Variants in PTPRC observed in about 807,000 individuals in gnomAD.
The protein encoded by PTPRC is receptor-type tyrosine-protein phosphatase C.
Under a neutral mutation model 155.9 loss-of-function variants are expected in PTPRC, and 44 were observed. The ratio of observed to expected loss-of-function variants is 0.28; its 90% CI spans 0.22 to 0.36. PTPRC has a LOEUF of 0.36. PTPRC is among the 10% of genes least tolerant of loss of function. The pLI is 1.00. For synonymous variants in PTPRC, 525 were observed against 533.1 expected, an observed-to-expected ratio of 0.98 and a Z score of 0.21; for missense variants, 1,401 against 1,564.6, an observed-to-expected ratio of 0.90 and a Z score of 1.76.
rs1384149225 is a variant in PTPRC, at chr1:198,756,626, A to AAATC, written c.*447_*450dup. The AAATC allele has an allele frequency of 1.2e-5, 2 of 173,148 alleles. No homozygotes were observed. The highest frequency in any genetic ancestry group is 4.8e-5 in the African/African-American group (2 of 41,552). 10.7% of individuals were successfully genotyped at this position (173,148 alleles called of 1,614,324 possible). ...TCATAAACTGTGTGCAGACTCAATA[A>AAATC]AATCATGTACATTTCTGAAATGACC... On this transcript the variant is annotated 3_prime_UTR_variant, in exon 33 of 33. Transcript: ENST00000442510.
At chr1:198,746,366 T>G (rs996571772) in intron 26 of PTPRC, among the ~76,000 whole-genome samples, 3 of 151,448 alleles carry the variant, frequency 2.0e-5, no homozygotes, top group African/African-American at 4.8e-5. Flanking sequence ...CTTGAAGCTG[T>G]GAGGTAAATG....
intron 2 of PTPRC, among the ~76,000 whole-genome samples, chr1:198,665,115 A>C (rs182155546): frequency 1.4e-3 from 131 of 96,572 alleles, no homozygotes; most frequent in Non-Finnish European, 1.9e-3. Context: ...TTTGAGACGG[A>C]GTCTCGCTCT....
chr1:198,737,707 G>A (rs1439013318), intron 23 of PTPRC, among the ~76,000 whole-genome samples: 1 of 151,582 alleles, frequency 6.6e-6, no homozygotes, highest in African/African-American at 2.4e-5. Flanking sequence ...AACATTATTG[G>A]TATTTTGATA....
intron 26 of PTPRC, 21 bp from the exon 27 acceptor site, chr1:198,748,088 T>C: frequency 6.6e-7 from 1 of 1,516,874 alleles, no homozygotes; most frequent in Non-Finnish European, 8.9e-7. Flanking sequence ...GGAGTTTTTC[T>C]GTTTTTTTTT....
chr1:198,688,392 C>T (rs529086164), intron 2 of PTPRC, among the ~76,000 whole-genome samples: 1 of 152,046 alleles, frequency 6.6e-6, no homozygotes, highest in East Asian at 1.9e-4. Flanking sequence ...GAATATGGAG[C>T]GATGATGAGA....
chr1:198,755,862 C>T (rs1306814955), intron 32 of PTPRC, 44 bp from the exon 33 acceptor site: 1 of 1,545,900 alleles, frequency 6.5e-7, no homozygotes, highest in East Asian at 2.3e-5. Flanking sequence ...AAAATAATGA[C>T]ATCAACTTTC....
Position 198,708,235 on chromosome 1 carries a change from A to G in PTPRC, c.1007A>G (p.Gln336Arg). The stretch of plus-strand genomic sequence containing the variant: ...ATTGAAACCTTTACTTGTGATACAC[A>G]GAATATTACCTACAGATTTCAGTGT... ...KNIETFTCDT[Q>R]NITYRFQCGN... The change falls in exon 10 of 33, where the codon CAG becomes CGG. Residue 336 changes from glutamine (Q) to arginine (R), a missense_variant. Transcript: ENST00000442510. 6.2e-7 allele frequency: 1 copy of G among 1,608,058 alleles called. No individual in the cohort carries two copies. The highest frequency in any genetic ancestry group is 1.3e-5 in the African/African-American group (1 of 74,904).
At chr1:198,691,497 G>C (rs558015273) in intron 2 of PTPRC, among the ~76,000 whole-genome samples, 1 of 151,840 alleles carries the variant, frequency 6.6e-6, no homozygotes, top group African/African-American at 2.4e-5. Context: ...CTCTTCCTAC[G>C]TAGGACATCA....
chr1:198,702,271 G>T (rs1392495780), intron 5 of PTPRC, 116 bp from the exon 6 acceptor site: 6 of 1,314,942 alleles, frequency 4.6e-6, no homozygotes, highest in Admixed American at 1.7e-5. Flanking sequence ...TAGCAGAAGT[G>T]CTTGAAGATT....
In PTPRC at chr1:198,757,415, A is replaced by AG. The variant is rs1296039683; in HGVS notation, c.*1235dup. 2.7e-5 allele frequency: 4 copies of AG among 148,452 alleles called. No homozygotes were observed. The East Asian group carries it at 5.8e-4, about 22-fold the overall frequency. The allele number at this position is 148,452 out of a possible 1,614,324, so 9.2% of individuals were successfully genotyped here. A position where few individuals can be genotyped will look rare whatever the true frequency, so the allele number is the denominator to read the frequency against. On this transcript the variant is annotated 3_prime_UTR_variant, in exon 33 of 33. Transcript: ENST00000442510. ...ATAGTCTAATAATTGTTTAAGATCT[A>AG]GAAAAAAAAAATCAAGAATAGTGGT...
chr1:198,696,308 T>C (rs6669241), intron 3 of PTPRC, among the ~76,000 whole-genome samples: 13,432 of 151,862 alleles, frequency 0.088, 771 homozygotes, highest in African/African-American at 0.15. Flanking sequence ...TATCCTTTTC[T>C]TTATCTACAA....
At chr1:198,662,470 G>A (rs1457696963) in intron 2 of PTPRC, among the ~76,000 whole-genome samples, 1 of 130,420 alleles carries the variant, frequency 7.7e-6, no homozygotes, top group Non-Finnish European at 1.6e-5. Flanking sequence ...GTGTGTGTGT[G>A]TGTGTGTGAG....
chr1:198,737,100 A>G (rs1654678089), intron 23 of PTPRC, among the ~76,000 whole-genome samples: 1 of 151,806 alleles, frequency 6.6e-6, no homozygotes, highest in Admixed American at 6.6e-5. Context: ...ATGCTTTGTC[A>G]GATGGATAGT....
At chr1:198,705,257 G>A (rs1652882092) in intron 8 of PTPRC, among the ~76,000 whole-genome samples, 1 of 152,034 alleles carries the variant, frequency 6.6e-6, no homozygotes, top group South Asian at 2.1e-4. Context: ...TACATTTAGT[G>A]TAAAGAGTGG....
intron 29 of PTPRC, 122 bp from the exon 30 acceptor site, chr1:198,752,127 A>C (rs557274338): frequency 1.1e-5 from 13 of 1,174,360 alleles, no homozygotes; most frequent in Non-Finnish European, 1.6e-5. Flanking sequence ...ATTTTAGAAC[A>C]CAATAATTTT....
intron 2 of PTPRC, among the ~76,000 whole-genome samples, chr1:198,667,573 A>T (rs1392691206): frequency 1.3e-5 from 2 of 152,228 alleles, no homozygotes; most frequent in Non-Finnish European, 2.9e-5. Context: ...AGTAGGTGGC[A>T]CTCATCCATT....
chr1:198,755,168 G>T (rs1318545147), intron 32 of PTPRC, among the ~76,000 whole-genome samples: 1 of 152,080 alleles, frequency 6.6e-6, no homozygotes, highest in Non-Finnish European at 1.5e-5. Context: ...TCCACTTCTT[G>T]AGAGGGCCTG....
At position 198,706,768 on chromosome 1, in the gene PTPRC, A is replaced by G; in HGVS notation, c.720A>G (p.Leu240=). The G allele has an allele frequency of 1.9e-6, 3 of 1,611,890 alleles. No individual in the cohort carries two copies. Among genetic ancestry groups the G allele is most frequent in the Non-Finnish European group, 8.5e-7 (1 of 1,178,644 alleles). The change falls in exon 9 of 33, where the codon TTA becomes TTG. Residue 240 remains leucine, a synonymous_variant. Transcript: ENST00000442510. ...EKYANITVDY[L]YNKETKLFTA... ...ATGCAAACATCACTGTGGATTACTT[A>G]TATAACAAGGAAACTAAATTATTTA... is the stretch of plus-strand genomic sequence containing the variant.
intron 15 of PTPRC, among the ~76,000 whole-genome samples, chr1:198,724,986 G>A (rs1017589285): frequency 6.6e-6 from 1 of 151,998 alleles, no homozygotes; most frequent in African/African-American, 2.4e-5. Context: ...ATTTTTAGTA[G>A]AGAAGGGATT....
Sources: allele counts gnomAD v4.1 joint callset (sites outside exome capture counted in the v4.1 genomes callset), GRCh38; gene constraint gnomAD v4.1.1; transcripts MANE v1.5; gene names NCBI Gene and HGNC (gene_info 2026-07-23, HGNC 2026-07-21).